Variants in SLC6A11 observed in about 807,000 individuals in gnomAD.
The protein encoded by SLC6A11 is solute carrier family 6 member 11, also known as sodium- and chloride-dependent GABA transporter 3.
Under a neutral mutation model 74.8 loss-of-function variants are expected in SLC6A11, and 25 were observed. The observed-to-expected ratio is 0.33, with a 90% confidence interval of 0.24 to 0.47. The LOEUF is 0.47. SLC6A11 is among the 20% of genes least tolerant of loss of function. The pLI, the probability that SLC6A11 is intolerant of heterozygous loss-of-function variation, is 1.00. For missense variants in SLC6A11, 574 were observed against 837.0 expected (o/e 0.69, Z 3.88); for synonymous variants, 330 against 330.2 (o/e 1.00, Z 0.01).
At position 10,928,774 on chromosome 3, in the gene SLC6A11, A is replaced by G. The variant is rs12493203; in HGVS notation, c.1234-428A>G. Among the ~76,000 whole-genome samples the G allele has an allele frequency of 2.0e-3, 301 of 151,994 alleles. 3 individuals carry two copies. Among genetic ancestry groups the G allele is most frequent in the African/African-American group, 6.8e-3 (280 of 41,476 alleles). ...GACCAGAGCCTGCCATCAGCAGAGC[A>G]CGTAACTCCCACTACAGGCACAGAA... is the stretch of plus-strand genomic sequence containing the variant. On this transcript the variant is annotated intron_variant, in intron 9 of 13. Transcript: ENST00000254488.
intron 8 of SLC6A11, among the ~76,000 whole-genome samples, chr3:10,921,541 G>A (rs1278039680): frequency 3.3e-5 from 5 of 151,988 alleles, no homozygotes; most frequent in African/African-American, 7.3e-5. Context: ...AAAAGAATGC[G>A]GGAAAGTGCC....
In SLC6A11 at chr3:10,933,207, T is replaced by C; in HGVS notation, c.1428T>C (p.Leu476=). ...CCTATGCCGCCAGTGGGATGTGCCT[T>C]CTCTTCGTGGCCATCTTTGAGTGCA... ...FDSYAASGMC[L]LFVAIFECIC... The change falls in exon 11 of 14, where the codon CTT becomes CTC. Residue 476 remains leucine, a synonymous_variant. Coordinates refer to ENST00000254488, the MANE Select transcript of SLC6A11 (RefSeq NM_014229.3). 6.2e-7 allele frequency: 1 copy of C among 1,614,052 alleles called. No individual in the cohort carries two copies. The highest frequency in any genetic ancestry group is 2.2e-5 in the East Asian group (1 of 44,864).
At chr3:10,904,357 G>A (rs971609809) in intron 6 of SLC6A11, among the ~76,000 whole-genome samples, 1 of 152,184 alleles carries the variant, frequency 6.6e-6, no homozygotes, top group Non-Finnish European at 1.5e-5. Flanking sequence ...AGGTGAGGTT[G>A]CCCCAGAGCT....
intron 5 of SLC6A11, among the ~76,000 whole-genome samples, chr3:10,848,080 G>A (rs1694526742): frequency 6.6e-6 from 1 of 152,156 alleles, no homozygotes; most frequent in Admixed American, 6.5e-5. Flanking sequence ...TATAATAAAT[G>A]TTCGTTAATT....
intron 9 of SLC6A11, among the ~76,000 whole-genome samples, chr3:10,927,111 A>G (rs1341528326): frequency 1.3e-5 from 2 of 152,252 alleles, no homozygotes; most frequent in Non-Finnish European, 2.9e-5. Context: ...ATATCTGTCA[A>G]GCCAGCCAAG....
chr3:10,868,452 C>G (rs138514175), intron 5 of SLC6A11, among the ~76,000 whole-genome samples: 2,693 of 152,316 alleles, frequency 0.018, 39 homozygotes, highest in Non-Finnish European at 0.029. Context: ...CAATTAGCGT[C>G]AATTAAAACA....
chr3:10,874,711 T>G (rs2106604875), intron 5 of SLC6A11, among the ~76,000 whole-genome samples: 1 of 152,190 alleles, frequency 6.6e-6, no homozygotes, highest in South Asian at 2.1e-4. Flanking sequence ...GCCATCCCAC[T>G]CTTTGATTCT....
chr3:10,868,540 A>G (rs192950239), intron 5 of SLC6A11, among the ~76,000 whole-genome samples: 1 of 152,356 alleles, frequency 6.6e-6, no homozygotes, highest in Non-Finnish European at 1.5e-5. Flanking sequence ...GAATTAAACA[A>G]TAGTGAAAAC....
intron 1 of SLC6A11, among the ~76,000 whole-genome samples, chr3:10,819,015 T>A (rs556408571): frequency 6.6e-6 from 1 of 152,326 alleles, no homozygotes; most frequent in African/African-American, 2.4e-5. Context: ...ACAAAGATTG[T>A]TTGCAAGTCA....
chr3:10,838,762 ATATC>A (rs529573334), intron 4 of SLC6A11, among the ~76,000 whole-genome samples: 3 of 152,268 alleles, frequency 2.0e-5, no homozygotes, highest in African/African-American at 7.2e-5. Context: ...ATATGTATAT[ATATC>A]AATTTGGGCA....
rs142202855 is a variant in SLC6A11 at position 10,915,608 on chromosome 3, C to T, written c.996-2721C>T. ...GGAATTAGAGGGATGGAAATGGGAGCGAGCCAGGCAGGGAAAATCCTCACT... is the reference window on the plus strand; with the variant it reads ...GGAATTAGAGGGATGGAAATGGGAGTGAGCCAGGCAGGGAAAATCCTCACT... On this transcript the variant is annotated intron_variant, in intron 7 of 13. Coordinates refer to ENST00000254488, the MANE Select transcript of SLC6A11 (RefSeq NM_014229.3). This position sits in a 1 kb window ranked among gnomAD's most constrained non-coding sequence, Gnocchi z 4.3. Among the ~76,000 whole-genome samples the T allele has an allele frequency of 9.9e-4, 150 of 152,142 alleles. 1 individual carries two copies. The highest frequency in any genetic ancestry group is 3.5e-3 in the African/African-American group (145 of 41,512).
intron 7 of SLC6A11, among the ~76,000 whole-genome samples, chr3:10,917,248 A>C (rs1695468623): frequency 6.6e-6 from 1 of 152,234 alleles, no homozygotes; most frequent in African/African-American, 2.4e-5. Flanking sequence ...AGAGAGAACA[A>C]GCATGGGTGA....
intron 5 of SLC6A11, among the ~76,000 whole-genome samples, chr3:10,873,384 T>TTTATCCTATC (rs1553671098): frequency 0.035 from 3,134 of 90,572 alleles, 404 homozygotes; most frequent in South Asian, 0.042. Context: ...CCTTCATTAT[T>TTTATCCTATC]GTATCCTATC....
At chr3:10,883,850 ACTGAG>A (rs1695011243) in intron 6 of SLC6A11, among the ~76,000 whole-genome samples, 3 of 152,058 alleles carry the variant, frequency 2.0e-5, no homozygotes, top group African/African-American at 4.8e-5. Context: ...AGTGGCCCTC[ACTGAG>A]GTGGGGGCCA....
intron 6 of SLC6A11, among the ~76,000 whole-genome samples, chr3:10,900,699 G>T (rs574682578): frequency 2.0e-5 from 3 of 152,202 alleles, no homozygotes; most frequent in Non-Finnish European, 4.4e-5. Flanking sequence ...TGTGGTTCTG[G>T]GGGGAGATGA....
At chr3:10,932,574 G>A (rs73037966) in intron 10 of SLC6A11, among the ~76,000 whole-genome samples, 3,003 of 152,296 alleles carry the variant, frequency 0.02, 47 homozygotes, top group Non-Finnish European at 0.029. Flanking sequence ...CTTACCAGGT[G>A]AAAGGGAATA....
chr3:10,861,024 C>T (rs1694697210), intron 5 of SLC6A11, among the ~76,000 whole-genome samples: 1 of 152,050 alleles, frequency 6.6e-6, no homozygotes, highest in African/African-American at 2.4e-5. Flanking sequence ...GAAAGAAAAC[C>T]CAGGAGAGTG....
chr3:10,840,385 A>C (rs12630119), intron 4 of SLC6A11, among the ~76,000 whole-genome samples: 5,491 of 152,088 alleles, frequency 0.036, 145 homozygotes, highest in East Asian at 0.12. Context: ...ACTGATCTGC[A>C]CAAGGGTCTC....
chr3:10,896,043 C>T (rs907435491), intron 6 of SLC6A11, among the ~76,000 whole-genome samples: 7 of 152,228 alleles, frequency 4.6e-5, no homozygotes, highest in Non-Finnish European at 8.8e-5. Flanking sequence ...CCCCAAGGCC[C>T]GGTTCCTTAA....
Sources: gnomAD v4.1 joint callset for allele counts (sites outside exome capture counted in the v4.1 genomes callset) on GRCh38, gnomAD v4.1.1 for gene constraint, Gnocchi (gnomAD v3.1) non-coding constraint, MANE v1.5 for transcripts, NCBI Gene and HGNC (gene_info 2026-07-23, HGNC 2026-07-21) for gene names.